NRXN3: variants seen among roughly 807,000 people sequenced by gnomAD.
NRXN3 encodes the protein neurexin III.
Under a neutral mutation model 137.6 loss-of-function variants are expected in NRXN3, and 32 were observed. The observed-to-expected ratio is 0.23, with a 90% CI of 0.18 to 0.31. NRXN3 has a LOEUF of 0.31. Ranked by LOEUF, NRXN3 falls within the 10% of genes least tolerant of loss-of-function variation. The pLI, the probability that NRXN3 is intolerant of heterozygous loss-of-function variation, is 1.00. For synonymous variants in NRXN3, 798 were observed against 784.5 expected (o/e 1.02, Z -0.29); for missense variants, 1,574 against 2,062.5 (o/e 0.76, Z 4.59).
intron 16 of NRXN3, among the ~76,000 whole-genome samples, chr14:79,507,179 C>A (rs1044651248): frequency 3.9e-5 from 6 of 152,120 alleles, no homozygotes; most frequent in Non-Finnish European, 4.4e-5. Context: ...CGGAAGCTAA[C>A]TTGGAAGGAA....
chr14:78,925,484 T>C (rs1352235261), intron 10 of NRXN3, among the ~76,000 whole-genome samples: 1 of 152,144 alleles, frequency 6.6e-6, no homozygotes, highest in Non-Finnish European at 1.5e-5. Context: ...AATAAAATAA[T>C]GTGAAAACAT....
chr14:79,080,302 A>G (rs2046730328), intron 15 of NRXN3, among the ~76,000 whole-genome samples: 1 of 152,198 alleles, frequency 6.6e-6, no homozygotes, highest in East Asian at 1.9e-4. Flanking sequence ...CTTGCCTAAT[A>G]ATAAACACTG....
intron 10 of NRXN3, among the ~76,000 whole-genome samples, chr14:78,831,870 G>C (rs2098983399): frequency 6.6e-6 from 1 of 151,872 alleles, no homozygotes; most frequent in Admixed American, 6.6e-5. Context: ...TACCTCCATT[G>C]ACCTTGAAAT....
intron 15 of NRXN3, among the ~76,000 whole-genome samples, chr14:79,421,761 C>T (rs895994009): frequency 5.9e-5 from 9 of 152,108 alleles, no homozygotes; most frequent in African/African-American, 2.2e-4. Context: ...GTATTACTTG[C>T]CCCAATGCCA....
chr14:79,011,015 T>C (rs2099569967), intron 15 of NRXN3, among the ~76,000 whole-genome samples: 1 of 152,210 alleles, frequency 6.6e-6, no homozygotes. Context: ...ACTCTAGTCA[T>C]GGCGATGCTA....
At chr14:78,945,074 G>A (rs1044197842) in intron 10 of NRXN3, among the ~76,000 whole-genome samples, 3 of 152,138 alleles carry the variant, frequency 2.0e-5, no homozygotes, top group Non-Finnish European at 4.4e-5. Flanking sequence ...CCGGTGAAGT[G>A]TGTTACTTCC....
At chr14:78,340,592 C>T (rs556147890) in intron 4 of NRXN3, among the ~76,000 whole-genome samples, 20 of 152,248 alleles carry the variant, frequency 1.3e-4, no homozygotes, top group Middle Eastern at 3.4e-3. Flanking sequence ...GGTTCTCCTC[C>T]ATGTGGCTTC....
At chr14:78,693,471 G>C (rs2152777844) in intron 6 of NRXN3, among the ~76,000 whole-genome samples, 1 of 151,786 alleles carries the variant, frequency 6.6e-6, no homozygotes, top group East Asian at 1.9e-4. Context: ...CCTCAGCTTT[G>C]TACTTAAGAC....
At chr14:78,711,432 C>CTTTTTTT (rs1254367279) in intron 7 of NRXN3, among the ~76,000 whole-genome samples, 37 of 103,214 alleles carry the variant, frequency 3.6e-4, no homozygotes, top group Middle Eastern at 6.2e-3. Flanking sequence ...TAATTCTTTT[C>CTTTTTTT]TCTTTTTTTT....
chr14:79,467,188 C>A, intron 15 of NRXN3, 33 bp from the exon 16 acceptor site: 2 of 1,574,252 alleles, frequency 1.3e-6, no homozygotes, highest in Non-Finnish European at 1.7e-6. Flanking sequence ...CAATGTAGTG[C>A]CTTGATGTCT....
chr14:79,708,246 G>C (rs2098789048), intron 19 of NRXN3, among the ~76,000 whole-genome samples: 2 of 146,952 alleles, frequency 1.4e-5, no homozygotes, highest in Admixed American at 1.3e-4. Flanking sequence ...TATTTACCTA[G>C]CACTTACATT....
At chr14:78,443,961 CA>C (rs770722974) in intron 4 of NRXN3, among the ~76,000 whole-genome samples, 5 of 152,174 alleles carry the variant, frequency 3.3e-5, no homozygotes, top group Non-Finnish European at 7.4e-5. Flanking sequence ...GCAAAAACAG[CA>C]ATGACTTTTT....
intron 15 of NRXN3, among the ~76,000 whole-genome samples, chr14:79,002,681 G>T (rs189908184): frequency 2.0e-5 from 3 of 152,176 alleles, no homozygotes; most frequent in Admixed American, 2.0e-4. Context: ...ATGAACATAC[G>T]CATGCATGTA....
At chr14:79,067,136 T>C (rs1595572593) in intron 15 of NRXN3, among the ~76,000 whole-genome samples, 2 of 152,162 alleles carry the variant, frequency 1.3e-5, no homozygotes, top group Admixed American at 1.3e-4. Flanking sequence ...TTGAGATATG[T>C]TTCTTTAATA....
chr14:78,958,394 C>T (rs1172813575), intron 11 of NRXN3, among the ~76,000 whole-genome samples: 11 of 149,360 alleles, frequency 7.4e-5, no homozygotes, highest in Admixed American at 6.0e-4. Flanking sequence ...CTTGCTCTGT[C>T]GCCCAGGCTG....
intron 6 of NRXN3, among the ~76,000 whole-genome samples, chr14:78,680,278 C>T (rs2098060664): frequency 6.6e-6 from 1 of 152,024 alleles, no homozygotes; most frequent in South Asian, 2.1e-4. Flanking sequence ...CTAATGAGTG[C>T]TAGGCTTAAT....
rs933815153 is a variant in NRXN3 at position 79,648,242 on chromosome 14, C to T, written c.3445-15536C>T. Among the ~76,000 whole-genome samples the T allele has an allele frequency of 4.5e-5, 6 of 134,744 alleles. 1 individual carries two copies. Among genetic ancestry groups the T allele is most frequent in the African/African-American group, 7.4e-5 (3 of 40,626 alleles). 88.4% of individuals were successfully genotyped at this position (134,744 alleles called of 152,430 possible). ...AGAAAACTTGATGATAAATGTCAAT[C>T]AACACTCAGCCTCTGCATCTGATGA... is the stretch of plus-strand genomic sequence containing the variant. On this transcript the variant is annotated intron_variant, in intron 16 of 20. Transcript: ENST00000335750.
chr14:79,192,565 C>T (rs1266759467), intron 15 of NRXN3, among the ~76,000 whole-genome samples: 1 of 152,032 alleles, frequency 6.6e-6, no homozygotes, highest in Non-Finnish European at 1.5e-5. Context: ...AGTGAAAAAA[C>T]ATTGAAAGGT....
chr14:79,209,291 G>A (rs1597304407), intron 15 of NRXN3, among the ~76,000 whole-genome samples: 1 of 151,620 alleles, frequency 6.6e-6, no homozygotes. Flanking sequence ...AGTTTTTTAA[G>A]GTGTTGTCTA....
Sources: gnomAD v4.1 joint callset for allele counts (sites outside exome capture counted in the v4.1 genomes callset) on GRCh38, gnomAD v4.1.1 for gene constraint, MANE v1.5 for transcripts, NCBI Gene and HGNC (gene_info 2026-07-23, HGNC 2026-07-21) for gene names.